FGF12: variants seen among roughly 807,000 people sequenced by gnomAD.
FGF12 encodes fibroblast growth factor 12, also known as fibroblast growth factor 12B.
Under a neutral mutation model 23.6 loss-of-function variants are expected in FGF12, and 14 were observed. The ratio of observed to expected loss-of-function variants is 0.59; its 90% CI spans 0.39 to 0.93. The LOEUF is 0.93. FGF12 is among the 40% of genes least tolerant of loss of function. FGF12 has a pLI of 0.00. For synonymous variants in FGF12, 62 were observed against 77.3 expected (o/e 0.80, Z 1.04); for missense variants, 175 against 217.8 (o/e 0.80, Z 1.24).
intron 4 of FGF12, among the ~76,000 whole-genome samples, chr3:192,227,205 A>G (rs1206215232): frequency 6.6e-6 from 1 of 152,226 alleles, no homozygotes; most frequent in Non-Finnish European, 1.5e-5. Flanking sequence ...CATATCTTAT[A>G]AAGTCTTACT....
At chr3:192,524,263 C>T (rs914580757) in intron 2 of FGF12, among the ~76,000 whole-genome samples, 1 of 152,142 alleles carries the variant, frequency 6.6e-6, no homozygotes, top group Non-Finnish European at 1.5e-5. Flanking sequence ...GGGCATTTTT[C>T]CTTTCCCTGG....
rs149258335 is a variant in FGF12, at chr3:192,247,770, T to C, written c.229-77114A>G. 4.4e-3 allele frequency among the ~76,000 whole-genome samples: 677 copies of C among 152,282 alleles called. 8 individuals carry two copies. Among genetic ancestry groups the C allele is most frequent in the African/African-American group, 0.016 (649 of 41,574 alleles). On this transcript the variant is annotated intron_variant, in intron 4 of 5. Transcript: ENST00000445105. Reference sequence around the variant, plus strand: ...GCTTCTGTGTGGCTTCCAGGAGAGATGAAGGCCAAAAGAGTGAGGTAGAAT... The same window carrying C: ...GCTTCTGTGTGGCTTCCAGGAGAGACGAAGGCCAAAAGAGTGAGGTAGAAT...
intron 2 of FGF12, among the ~76,000 whole-genome samples, chr3:192,460,930 T>G (rs1207782661): frequency 6.6e-6 from 1 of 152,144 alleles, no homozygotes; most frequent in African/African-American, 2.4e-5. Context: ...TACTGCTAAG[T>G]GTTTGCACCT....
At chr3:192,232,758 T>C in intron 4 of FGF12, among the ~76,000 whole-genome samples, 1 of 152,116 alleles carries the variant, frequency 6.6e-6, no homozygotes, top group Non-Finnish European at 1.5e-5. Context: ...TGTATCCATA[T>C]GTACTCAATG....
intron 2 of FGF12, among the ~76,000 whole-genome samples, chr3:192,647,706 TATATACATATATATATAC>T (rs1344761938): frequency 6.9e-6 from 1 of 145,370 alleles, no homozygotes; most frequent in African/African-American, 2.7e-5. Context: ...TATATGTGTA[TATATACATATATATATAC>T]ACATATATAC....
intron 4 of FGF12, among the ~76,000 whole-genome samples, chr3:192,291,955 T>C (rs1714779942): frequency 6.6e-6 from 1 of 152,186 alleles, no homozygotes; most frequent in South Asian, 2.1e-4. Flanking sequence ...GGCATTGGGA[T>C]CATGCAGCTA....
intron 3 of FGF12, among the ~76,000 whole-genome samples, chr3:192,359,293 A>G (rs1257805341): frequency 6.6e-6 from 1 of 152,216 alleles, no homozygotes; most frequent in Non-Finnish European, 1.5e-5. Context: ...GGACAAGGGC[A>G]TTTTCATTCA....
intron 2 of FGF12, among the ~76,000 whole-genome samples, chr3:192,706,479 G>A (rs970551382): frequency 6.6e-5 from 10 of 152,064 alleles, no homozygotes; most frequent in Admixed American, 1.3e-4. Context: ...CCGGCTCCCC[G>A]CCCAGTGCCA....
chr3:192,222,292 AGAGAC>A (rs1718515955), intron 4 of FGF12, among the ~76,000 whole-genome samples: 1 of 131,262 alleles, frequency 7.6e-6, no homozygotes, highest in Non-Finnish European at 1.7e-5. Flanking sequence ...ACTCTATTGA[AGAGAC>A]TCTATTGAAG....
intron 4 of FGF12, among the ~76,000 whole-genome samples, chr3:192,219,970 G>A (rs530027606): frequency 6.6e-6 from 1 of 152,166 alleles, no homozygotes; most frequent in South Asian, 2.1e-4. Flanking sequence ...CACCAACCAA[G>A]CTTCAGGCAT....
chr3:192,257,306 C>T (rs77184867), intron 4 of FGF12, among the ~76,000 whole-genome samples: 46 of 152,114 alleles, frequency 3.0e-4, no homozygotes, highest in Non-Finnish European at 4.3e-4. Flanking sequence ...GTTTTGCCAC[C>T]GTGTTATTTA....
chr3:192,175,477 C>T (rs1244342686), intron 4 of FGF12, among the ~76,000 whole-genome samples: 1 of 151,824 alleles, frequency 6.6e-6, no homozygotes, highest in Non-Finnish European at 1.5e-5. Flanking sequence ...CTATTTTTCA[C>T]AATTATTACT....
At chr3:192,209,292 G>A (rs1717811826) in intron 4 of FGF12, among the ~76,000 whole-genome samples, 1 of 152,108 alleles carries the variant, frequency 6.6e-6, no homozygotes. Flanking sequence ...TAGAATTCCA[G>A]CAGCCATCTT....
chr3:192,671,302 AG>A, intron 2 of FGF12, among the ~76,000 whole-genome samples: 1 of 152,330 alleles, frequency 6.6e-6, no homozygotes, highest in African/African-American at 2.4e-5. Flanking sequence ...AATGTTTTGC[AG>A]GGGAGAAAAG....
At chr3:192,453,747 G>A (rs1722596848) in intron 2 of FGF12, among the ~76,000 whole-genome samples, 1 of 152,050 alleles carries the variant, frequency 6.6e-6, no homozygotes. Context: ...AGCTCTCCTA[G>A]CATGAAGACC....
chr3:192,245,929 T>C (rs577672876), intron 4 of FGF12, among the ~76,000 whole-genome samples: 17 of 152,260 alleles, frequency 1.1e-4, no homozygotes, highest in African/African-American at 3.9e-4. Flanking sequence ...AAAAAAGTGA[T>C]TAGTAGGACA....
chr3:192,269,497 G>A (rs75498929), intron 4 of FGF12, among the ~76,000 whole-genome samples: 4,680 of 152,196 alleles, frequency 0.031, 97 homozygotes, highest in Non-Finnish European at 0.047. Flanking sequence ...ATCTTGCTCA[G>A]TTCCTTCATG....
At chr3:192,333,667 G>T (rs1482429015) in intron 4 of FGF12, among the ~76,000 whole-genome samples, 1 of 152,050 alleles carries the variant, frequency 6.6e-6, no homozygotes, top group Non-Finnish European at 1.5e-5. Context: ...TAATACAAAT[G>T]ACAGATGTAT....
In FGF12 at chr3:192,170,663, GAAAAA is replaced by G. The variant is rs34265167; in HGVS notation, c.229-12_229-8del. On this transcript the variant is annotated splice_region_variant and splice_polypyrimidine_tract_variant and intron_variant, in intron 4 of 5. Transcript: ENST00000445105. The stretch of plus-strand genomic sequence containing the variant: ...ATTCTGGAGTGAAAACATCCTGTAG[GAAAAA>G]AAAAAAAAGACACAAAAAAGAGAAA... 7.0e-7 allele frequency: 1 copy of G among 1,438,688 alleles called. No individual in the cohort carries two copies. 89.1% of individuals were successfully genotyped at this position (1,438,688 alleles called of 1,614,324 possible).
Sources: allele counts gnomAD v4.1 joint callset (sites outside exome capture counted in the v4.1 genomes callset), GRCh38; gene constraint gnomAD v4.1.1; transcripts MANE v1.5; gene names NCBI Gene and HGNC (gene_info 2026-07-23, HGNC 2026-07-21).